The following ABTB3 variants were observed in gnomAD, a reference collection of about 807,000 sequenced individuals.
The protein encoded by ABTB3 is ankyrin repeat and BTB domain containing 3, also known as ankyrin repeat- and BTB/POZ domain-containing protein 3.
At chr12:107,566,365 T>A in the ABTB3 span, among the ~76,000 whole-genome samples, 1 of 152,200 alleles carries the variant, frequency 6.6e-6, no homozygotes, top group Non-Finnish European at 1.5e-5. Flanking sequence ...GGAGCTTTGG[T>A]GCAACCTGAG....
the ABTB3 span, among the ~76,000 whole-genome samples, chr12:107,469,918 C>CTTTT: frequency 1.9e-5 from 2 of 103,704 alleles, no homozygotes; most frequent in Non-Finnish European, 3.9e-5. Flanking sequence ...TTCTTTCTTT[C>CTTTT]TTTCTCTCTC....
chr12:107,521,410 T>G, the ABTB3 span, among the ~76,000 whole-genome samples: 1 of 152,058 alleles, frequency 6.6e-6, no homozygotes, highest in African/African-American at 2.4e-5. Context: ...CTTCATGGCC[T>G]TTGCTGACTC....
chr12:107,386,086 C>T, the ABTB3 span, among the ~76,000 whole-genome samples: 1 of 152,238 alleles, frequency 6.6e-6, no homozygotes, highest in Non-Finnish European at 1.5e-5. Context: ...TTATTTTCAT[C>T]CTTCACAGCT....
the ABTB3 span, among the ~76,000 whole-genome samples, chr12:107,409,914 G>T: frequency 6.6e-6 from 1 of 151,962 alleles, no homozygotes; most frequent in African/African-American, 2.4e-5. Context: ...GAAAATACAG[G>T]GCCTCTTGTT....
chr12:107,426,137 C>T, the ABTB3 span, among the ~76,000 whole-genome samples: 1 of 150,196 alleles, frequency 6.7e-6, no homozygotes, highest in African/African-American at 2.4e-5. Flanking sequence ...TTTTTATTTA[C>T]TATTCTCTCC....
chr12:107,326,524 C>A, the ABTB3 span, among the ~76,000 whole-genome samples: 1 of 152,214 alleles, frequency 6.6e-6, no homozygotes, highest in East Asian at 1.9e-4. Context: ...CCAGATGTAT[C>A]ATTGGCTCTC....
the ABTB3 span, among the ~76,000 whole-genome samples, chr12:107,616,785 G>T: frequency 1.3e-5 from 2 of 152,320 alleles, no homozygotes; most frequent in African/African-American, 4.8e-5. Context: ...ATCTCCTGGA[G>T]ATCTTGTTAA....
chr12:107,610,341 A>G, the ABTB3 span: 21 of 1,614,094 alleles, frequency 1.3e-5, no homozygotes, highest in Admixed American at 3.3e-5. Context: ...TGGGATCAAC[A>G]CCATGAGCGA....
At chr12:107,604,524 T>C in the ABTB3 span, among the ~76,000 whole-genome samples, 8 of 152,146 alleles carry the variant, frequency 5.3e-5, no homozygotes, top group African/African-American at 1.7e-4. Context: ...AAATGCTCAA[T>C]ATCGCTAACT....
At chr12:107,503,958 G>GT in the ABTB3 span, among the ~76,000 whole-genome samples, 1 of 152,148 alleles carries the variant, frequency 6.6e-6, no homozygotes, top group African/African-American at 2.4e-5. Flanking sequence ...CCCAGAACAG[G>GT]TGCTAGGAGA....
At chr12:107,646,191 A>G in the ABTB3 span, among the ~76,000 whole-genome samples, 1 of 152,232 alleles carries the variant, frequency 6.6e-6, no homozygotes, top group Non-Finnish European at 1.5e-5. Context: ...CTGCCAAGAA[A>G]AACAACTCCA....
chr12:107,366,973 G>T, the ABTB3 span, among the ~76,000 whole-genome samples: 2 of 152,160 alleles, frequency 1.3e-5, no homozygotes, highest in African/African-American at 4.8e-5. Flanking sequence ...ACTTGGCTGT[G>T]CCTGTTGGCC....
the ABTB3 span, among the ~76,000 whole-genome samples, chr12:107,463,260 T>C: frequency 6.6e-6 from 1 of 151,090 alleles, no homozygotes; most frequent in South Asian, 2.1e-4. Context: ...ATGATGGTGA[T>C]GGTGATGATG....
At chr12:107,322,575 A>G in the ABTB3 span, among the ~76,000 whole-genome samples, 2 of 152,154 alleles carry the variant, frequency 1.3e-5, no homozygotes, top group Non-Finnish European at 2.9e-5. Context: ...TCATTTATTT[A>G]TTCATTTGTG....
the ABTB3 span, chr12:107,486,397 G>T: frequency 6.6e-6 from 1 of 152,108 alleles, no homozygotes; most frequent in African/African-American, 2.4e-5. Context: ...TTGAGTAGTT[G>T]CTACAAAGAG....
the ABTB3 span, among the ~76,000 whole-genome samples, chr12:107,377,743 A>T: frequency 6.6e-6 from 1 of 152,334 alleles, no homozygotes; most frequent in East Asian, 1.9e-4. Context: ...GAAAGGCAGA[A>T]ATGGGATTAA....
At chr12:107,503,756 C>CAAAAAAAAAAAAAAAAAAA in the ABTB3 span, among the ~76,000 whole-genome samples, 9 of 70,734 alleles carry the variant, frequency 1.3e-4, no homozygotes, top group East Asian at 3.4e-4. Context: ...GACCCTATCT[C>CAAAAAAAAAAAAAAAAAAA]AAAAAAAAAA....
At chr12:107,626,343 C>CTTTTTTTTTTTTTTTTTTTTTTTT in the ABTB3 span, among the ~76,000 whole-genome samples, 14 of 112,512 alleles carry the variant, frequency 1.2e-4, no homozygotes, top group African/African-American at 4.6e-4. Context: ...CTATCGTCAT[C>CTTTTTTTTTTTTTTTTTTTTTTTT]TTTTTTTTTT....
chr12:107,542,162 A>T, the ABTB3 span, among the ~76,000 whole-genome samples: 7 of 152,116 alleles, frequency 4.6e-5, no homozygotes, highest in Admixed American at 4.6e-4. Context: ...ATACAAAAAA[A>T]TTAGCTGGGA....
Sources: allele counts gnomAD v4.1 joint callset (sites outside exome capture counted in the v4.1 genomes callset), GRCh38; gene constraint gnomAD v4.1.1; transcripts MANE v1.5; gene names NCBI Gene and HGNC (gene_info 2026-07-23, HGNC 2026-07-21).